Variants in CYP2C8 observed in about 807,000 individuals in gnomAD.
CYP2C8 encodes cytochrome P450 family 2 subfamily C member 8, also known as cytochrome P450 2C8.
A neutral mutation model predicts 41.3 loss-of-function variants in CYP2C8; 51 were observed. That is an observed-to-expected ratio of 1.24 (90% CI 0.99 to 1.56). CYP2C8 has a LOEUF of 1.56. Among genes scored for constraint, CYP2C8 ranks in the 40% most tolerant of loss-of-function variants. CYP2C8 has a pLI of 0.00. For synonymous variants in CYP2C8, 218 were observed against 205.8 expected, an observed-to-expected ratio of 1.06 and a Z score of -0.51; for missense variants, 651 against 579.9, an observed-to-expected ratio of 1.12 and a Z score of -1.26.
At chr10:95,051,288 G>C (rs1113129) in intron 5 of CYP2C8, among the ~76,000 whole-genome samples, 45,291 of 151,896 alleles carry the variant, frequency 0.3, 7,646 homozygotes, top group African/African-American at 0.45. Flanking sequence ...TTTAACACAA[G>C]CTATTTGAAA....
chr10:95,038,072 A>G (rs935759889), intron 8 of CYP2C8, among the ~76,000 whole-genome samples: 2 of 152,228 alleles, frequency 1.3e-5, no homozygotes, highest in Non-Finnish European at 2.9e-5. Context: ...TACAGTGCCA[A>G]ATATAAAGCA....
chr10:95,055,718 T>C (rs1005913523), intron 5 of CYP2C8, among the ~76,000 whole-genome samples: 1 of 152,166 alleles, frequency 6.6e-6, no homozygotes, highest in Non-Finnish European at 1.5e-5. Context: ...TTCATACGTA[T>C]TTAGTAAGGG....
intron 8 of CYP2C8, among the ~76,000 whole-genome samples, chr10:95,037,619 T>C (rs556380970): frequency 3.7e-4 from 56 of 152,348 alleles, no homozygotes; most frequent in Admixed American, 3.6e-3. Context: ...TATTCCCACA[T>C]TAAAACAGCT....
At chr10:95,045,981 A>C in intron 5 of CYP2C8, 30 bp from the exon 6 acceptor site, 1 of 1,612,882 alleles carries the variant, frequency 6.2e-7, no homozygotes, top group Non-Finnish European at 8.5e-7. Context: ...ATTATCTGAC[A>C]AATTATGTGC....
At chr10:95,059,930 GTTT>G (rs1302712646) in intron 4 of CYP2C8, among the ~76,000 whole-genome samples, 2 of 152,088 alleles carry the variant, frequency 1.3e-5, no homozygotes, top group African/African-American at 4.8e-5. Flanking sequence ...TTTTTGTCAG[GTTT>G]GTCAAAGATC....
chr10:95,055,538 G>A (rs571158923), intron 5 of CYP2C8, among the ~76,000 whole-genome samples: 15 of 16,412 alleles, frequency 9.1e-4, no homozygotes, highest in African/African-American at 5.6e-3. Context: ...ATAAAACATC[G>A]GTTAAATATT....
chr10:95,046,050 A>G lies in CYP2C8; in HGVS notation c.820-99T>C, dbSNP rs561519677. 8.8e-6 allele frequency: 12 copies of G among 1,358,384 alleles called. No homozygotes were observed. In the African/African-American group the frequency reaches 1.7e-4, roughly 20 times the overall value. The allele number at this position is 1,358,384 out of a possible 1,614,324, so 84.1% of individuals were successfully genotyped here. On this transcript the variant is annotated intron_variant, in intron 5 of 8. Coordinates refer to ENST00000371270, the MANE Select transcript of CYP2C8 (RefSeq NM_000770.3). ...ATACTATTTTTTAAAGTTAGCCAAAAGAGATACTGGACAGTACAGTATTAG... is the reference window on the plus strand; with the variant it reads ...ATACTATTTTTTAAAGTTAGCCAAAGGAGATACTGGACAGTACAGTATTAG...
chr10:95,062,484 A>G (rs1194534281), intron 4 of CYP2C8, among the ~76,000 whole-genome samples: 2 of 151,446 alleles, frequency 1.3e-5, no homozygotes, highest in Non-Finnish European at 2.9e-5. Flanking sequence ...TTTGTTTTCC[A>G]TTTGCTTGAT....
intron 5 of CYP2C8, 96 bp from the exon 6 acceptor site, chr10:95,046,047 A>C (rs1208402405): frequency 9.2e-6 from 13 of 1,406,438 alleles, no homozygotes; most frequent in Non-Finnish European, 1.3e-5. Flanking sequence ...AAAGTTAGCC[A>C]AAAGAGATAC....
chr10:95,066,153 A>AGAGAGAGGGT (rs1342809282), intron 3 of CYP2C8, among the ~76,000 whole-genome samples: 1 of 88,286 alleles, frequency 1.1e-5, no homozygotes, highest in Non-Finnish European at 2.3e-5. Context: ...AGAGAGAGAG[A>AGAGAGAGGGT]GTGTGTGTGT....
chr10:95,066,363 G>A (rs987022548), intron 3 of CYP2C8, among the ~76,000 whole-genome samples: 5 of 151,972 alleles, frequency 3.3e-5, no homozygotes, highest in African/African-American at 1.2e-4. Flanking sequence ...TCAAAGCTAA[G>A]AACCAATACA....
intron 6 of CYP2C8, among the ~76,000 whole-genome samples, chr10:95,045,320 A>G (rs2033085709): frequency 6.6e-6 from 1 of 152,200 alleles, no homozygotes. Flanking sequence ...CCTTTGTAAG[A>G]GACTAACTTT....
At chr10:95,041,862 C>A (rs936492907) in intron 7 of CYP2C8, among the ~76,000 whole-genome samples, 10 of 151,672 alleles carry the variant, frequency 6.6e-5, no homozygotes, top group Middle Eastern at 7.0e-3. Context: ...CCCTGCCATC[C>A]CCAGTTTGCT....
intron 6 of CYP2C8, among the ~76,000 whole-genome samples, chr10:95,045,163 G>T (rs1289676247): frequency 6.6e-6 from 1 of 152,170 alleles, no homozygotes; most frequent in East Asian, 1.9e-4. Flanking sequence ...AGGGTAAATT[G>T]TAAATTCTAA....
rs115993194 is a variant in CYP2C8 at position 95,055,312 on chromosome 10, A to G, written c.819+3023T>C. Among the ~76,000 whole-genome samples the G allele has an allele frequency of 7.6e-3, 1,152 of 152,278 alleles. 16 individuals are homozygous for G. The highest frequency in any genetic ancestry group is 0.027 in the African/African-American group (1,106 of 41,564). On this transcript the variant is annotated intron_variant, in intron 5 of 8. Coordinates refer to ENST00000371270, the MANE Select transcript of CYP2C8 (RefSeq NM_000770.3). ...AAACCTAATCATCTATGCCCGGTTC[A>G]TTTTCAACAAATGTACCAAGATCAT... is the stretch of plus-strand genomic sequence containing the variant.
intron 7 of CYP2C8, among the ~76,000 whole-genome samples, chr10:95,042,412 AT>A (rs2033021250): frequency 6.9e-6 from 1 of 143,950 alleles, no homozygotes; most frequent in African/African-American, 2.5e-5. Flanking sequence ...ATAAAAAAAA[AT>A]TAAAAAATTA....
In CYP2C8 at chr10:95,068,876, C is replaced by G. The variant is rs11572067; in HGVS notation, c.168+359G>C. 7.6e-4 allele frequency among the ~76,000 whole-genome samples: 115 copies of G among 152,084 alleles called. 1 individual carries two copies. In the East Asian group the frequency reaches 0.021, roughly 28 times the overall value. The stretch of plus-strand genomic sequence containing the variant: ...GAGACTGAGACCATTCTGGCTAACA[C>G]GGTGAAACCCTGTCTCTACTAAAAC... On this transcript the variant is annotated intron_variant, in intron 1 of 8. Coordinates refer to ENST00000371270, the MANE Select transcript of CYP2C8 (RefSeq NM_000770.3).
At chr10:95,041,288 G>T (rs1436705882) in intron 7 of CYP2C8, among the ~76,000 whole-genome samples, 3 of 152,090 alleles carry the variant, frequency 2.0e-5, no homozygotes, top group Admixed American at 6.5e-5. Flanking sequence ...GCAATTTTTT[G>T]GGATCTTAAA....
intron 7 of CYP2C8, 107 bp downstream of exon 7, chr10:95,042,783 A>T: frequency 1.1e-6 from 1 of 925,808 alleles, no homozygotes; most frequent in Non-Finnish European, 1.8e-6. Context: ...TGCCACATGT[A>T]TGAGTTTTGC....
Sources: gnomAD v4.1 joint callset for allele counts (sites outside exome capture counted in the v4.1 genomes callset) on GRCh38, gnomAD v4.1.1 for gene constraint, MANE v1.5 for transcripts, NCBI Gene and HGNC (gene_info 2026-07-23, HGNC 2026-07-21) for gene names.